HDAC8: variants seen among roughly 807,000 people sequenced by gnomAD.
HDAC8 encodes histone deacetylase 8, also known as histone deacetylase-like 1.
Under a neutral mutation model 32.2 loss-of-function variants are expected in HDAC8, and 1 was observed. The ratio of observed to expected loss-of-function variants is 0.03; its 90% confidence interval spans 0.01 to 0.15. The LOEUF (loss-of-function observed/expected upper bound fraction) is 0.15, where lower values mean the gene tolerates loss of function less well. HDAC8 is among the 10% of genes least tolerant of loss of function. The pLI is 1.00. For missense variants in HDAC8, 117 were observed against 300.0 expected (o/e 0.39, Z 4.51); for synonymous variants, 108 against 113.9 (o/e 0.95, Z 0.33).
chrX:72,464,579 G>A lies in HDAC8; in HGVS notation c.890C>T (p.Ala297Val). The A allele has an allele frequency of 8.3e-7, 1 of 1,208,913 alleles. No homozygotes were observed. The highest frequency in any genetic ancestry group is 1.1e-6 in the Non-Finnish European group (1 of 893,015). ...CLKYILQWQL[A>V]TLILGGGGYN... ...CTCACCTCCTCCCAAAATGAGTGTT[G>A]CCAACTGCCATTGAAGGATGTACTT... The change falls in exon 8 of 11, where the codon GCA becomes GTA. Residue 297 changes from alanine to valine, a missense_variant. Physicochemically the swap from Ala to Val is moderately conservative, Grantham distance 64. Transcript: ENST00000373573.
At chrX:72,425,788 T>C (rs2046623633) in intron 9 of HDAC8, among the ~76,000 whole-genome samples, 1 of 111,414 alleles carries the variant, frequency 9.0e-6, no homozygotes, top group African/African-American at 3.3e-5. Flanking sequence ...CCTACAGACA[T>C]AGTAAACTAT....
chrX:72,439,515 T>G (rs1305276089), intron 9 of HDAC8, among the ~76,000 whole-genome samples: 1 of 109,702 alleles, frequency 9.1e-6, no homozygotes, highest in Non-Finnish European at 1.9e-5. Flanking sequence ...AGACAAAGAC[T>G]GGCAAACTGG....
At chrX:72,560,325 T>G (rs1407620823) in intron 4 of HDAC8, among the ~76,000 whole-genome samples, 21 of 104,974 alleles carry the variant, frequency 2.0e-4, no homozygotes, top group African/African-American at 6.6e-4. Flanking sequence ...ATTAAGGGCG[T>G]TGCAAGATGT....
intron 9 of HDAC8, among the ~76,000 whole-genome samples, chrX:72,399,560 T>A (rs1267426847): frequency 8.9e-6 from 1 of 111,955 alleles, no homozygotes; most frequent in Admixed American, 9.4e-5. Context: ...TCAGACTATA[T>A]ATTGATTGCA....
At chrX:72,474,268 T>C (rs2048267054) in intron 7 of HDAC8, 6 of 729,620 alleles carry the variant, frequency 8.2e-6, no homozygotes, top group Non-Finnish European at 9.7e-6. Flanking sequence ...TTTATTTAAA[T>C]GTGTGTGAAT....
intron 9 of HDAC8, among the ~76,000 whole-genome samples, chrX:72,362,673 A>G (rs993137271): frequency 8.9e-6 from 1 of 112,587 alleles, no homozygotes; most frequent in Non-Finnish European, 1.9e-5. Context: ...ATACTATTAA[A>G]TGCTGAATAT....
intron 4 of HDAC8, among the ~76,000 whole-genome samples, chrX:72,539,748 A>G (rs917436371): frequency 3.6e-5 from 4 of 111,550 alleles, no homozygotes; most frequent in Non-Finnish European, 7.5e-5. Flanking sequence ...ACCCCCAACA[A>G]TAACCCAGGT....
chrX:72,472,310 G>C (rs1001648803), intron 7 of HDAC8, among the ~76,000 whole-genome samples: 2 of 110,351 alleles, frequency 1.8e-5, no homozygotes, highest in Non-Finnish European at 3.8e-5. Context: ...CTCGTGATCC[G>C]CCCGCCTCGG....
At chrX:72,510,846 T>C (rs982596561) in intron 4 of HDAC8, among the ~76,000 whole-genome samples, 5 of 112,110 alleles carry the variant, frequency 4.5e-5, no homozygotes, top group Non-Finnish European at 9.4e-5. Flanking sequence ...AAATATGTTT[T>C]TATTCAGTAA....
At chrX:72,344,172 G>A (rs1256325984) in intron 10 of HDAC8, among the ~76,000 whole-genome samples, 4 of 111,529 alleles carry the variant, frequency 3.6e-5, no homozygotes, top group African/African-American at 9.8e-5. Context: ...CCACCTGGAG[G>A]TAATAGGGTA....
chrX:72,406,240 A>T (rs1343279073), intron 9 of HDAC8, among the ~76,000 whole-genome samples: 4 of 111,107 alleles, frequency 3.6e-5, no homozygotes, highest in Non-Finnish European at 5.7e-5. Context: ...TTTATTTATT[A>T]ATTTTTGAGA....
At chrX:72,346,730 A>T (rs1555947012) in intron 10 of HDAC8, among the ~76,000 whole-genome samples, 1 of 82,961 alleles carries the variant, frequency 1.2e-5, no homozygotes, top group East Asian at 4.0e-4. Context: ...CTTCTCTACT[A>T]GGGAAAGGGA....
intron 9 of HDAC8, among the ~76,000 whole-genome samples, chrX:72,367,327 C>T (rs782744507): frequency 2.7e-5 from 3 of 111,964 alleles, no homozygotes; most frequent in South Asian, 3.7e-4. Flanking sequence ...GCAGGCAGCA[C>T]GGAGTAGTAG....
chrX:72,343,245 C>T (rs782011665), intron 10 of HDAC8, among the ~76,000 whole-genome samples: 4 of 109,236 alleles, frequency 3.7e-5, no homozygotes, highest in Admixed American at 3.0e-4. Context: ...TCATGGCTCA[C>T]GGCAGCCTTG....
intron 10 of HDAC8, chrX:72,351,272 A>G: frequency 5.4e-6 from 1 of 185,583 alleles, no homozygotes. Flanking sequence ...GCTAATTTTT[A>G]AATTTTCTGT....
intron 4 of HDAC8, among the ~76,000 whole-genome samples, chrX:72,552,710 C>T (rs1000623568): frequency 2.8e-5 from 3 of 108,086 alleles, no homozygotes; most frequent in African/African-American, 1.0e-4. Context: ...CAGAAGGCTG[C>T]GGCTGCAGTA....
At chrX:72,478,425 CT>C (rs2148086445) in intron 7 of HDAC8, among the ~76,000 whole-genome samples, 1 of 111,304 alleles carries the variant, frequency 9.0e-6, no homozygotes, top group Admixed American at 9.5e-5. Context: ...CACTTCACCC[CT>C]AACACGTTTA....
intron 9 of HDAC8, among the ~76,000 whole-genome samples, chrX:72,450,047 A>G (rs1555986820): frequency 8.9e-6 from 1 of 112,253 alleles, no homozygotes; most frequent in African/African-American, 3.2e-5. Context: ...TGGTACATCT[A>G]TACCATGGAA....
chrX:72,568,409 G>T (rs1447992663), intron 3 of HDAC8, among the ~76,000 whole-genome samples: 1 of 111,941 alleles, frequency 8.9e-6, no homozygotes, highest in African/African-American at 3.3e-5. Context: ...AAATGCAGCT[G>T]TTTAATGAGG....
Sources: gnomAD v4.1 joint callset for allele counts (sites outside exome capture counted in the v4.1 genomes callset) on GRCh38, gnomAD v4.1.1 for gene constraint, MANE v1.5 for transcripts, NCBI Gene and HGNC (gene_info 2026-07-23, HGNC 2026-07-21) for gene names.